BANK1: variants seen among roughly 807,000 people sequenced by gnomAD.
The protein encoded by BANK1 is B cell scaffold protein with ankyrin repeats 1, also known as B-cell scaffold protein with ankyrin repeats.
BANK1 carries 95 observed loss-of-function variants against 94.5 expected under a neutral mutation model. That is an observed-to-expected ratio of 1.00 (90% CI 0.85 to 1.19). The LOEUF is 1.19. Among genes scored for constraint, BANK1 ranks in the 50% most tolerant of loss-of-function variants. BANK1 has a pLI of 0.00. For synonymous variants in BANK1, 334 were observed against 308.4 expected, an observed-to-expected ratio of 1.08 and a Z score of -0.87; for missense variants, 987 against 932.2, an observed-to-expected ratio of 1.06 and a Z score of -0.77.
Position 102,060,352 on chromosome 4 carries a change from G to A in BANK1, c.2111G>A (p.Trp704Ter). Residue 704 changes from tryptophan to a stop codon, truncating the protein, a stop_gained, in exon 12 of 17, where the codon TGG becomes TAG. Coordinates refer to ENST00000322953, the MANE Select transcript of BANK1 (RefSeq NM_017935.5). LOFTEE classifies it high-confidence loss of function. ...MDEALEKFKHWQMGKSGLEMI... is the reference protein window; with the variant it reads ...MDEALEKFKH ...GAAGCTCTGGAGAAATTTAAACACT[G>A]GCAGATGGGAAAAAGTGGCCTGGAA... 1 of 1,609,716 alleles carries A rather than the reference G, an allele frequency of 6.2e-7. No individual in the cohort carries two copies. The highest frequency in any genetic ancestry group is 1.1e-5 in the South Asian group (1 of 90,122).
chr4:101,944,533 T>A (rs1379578190), intron 7 of BANK1, among the ~76,000 whole-genome samples: 2 of 151,868 alleles, frequency 1.3e-5, no homozygotes, highest in Non-Finnish European at 2.9e-5. Flanking sequence ...TTCCATAGCA[T>A]CCTATTCTCT....
chr4:102,005,591 A>C (rs191722843), intron 7 of BANK1, among the ~76,000 whole-genome samples: 1 of 152,246 alleles, frequency 6.6e-6, no homozygotes, highest in Non-Finnish European at 1.5e-5. Flanking sequence ...TCATTCATGG[A>C]AAATAGACAT....
chr4:102,002,150 A>G (rs1553939973), intron 7 of BANK1, among the ~76,000 whole-genome samples: 10 of 152,158 alleles, frequency 6.6e-5, no homozygotes, highest in Non-Finnish European at 8.8e-5. Context: ...TGCTCCTCCT[A>G]TATGTACCAT....
At chr4:101,944,037 T>TGA (rs1343414585) in intron 7 of BANK1, among the ~76,000 whole-genome samples, 1,570 of 148,110 alleles carry the variant, frequency 0.011, 15 homozygotes, top group African/African-American at 0.029. Flanking sequence ...TGTGTGTGTG[T>TGA]GTGAGAGAGA....
intron 5 of BANK1, among the ~76,000 whole-genome samples, chr4:101,881,276 A>G (rs1207843278): frequency 6.6e-6 from 1 of 152,122 alleles, no homozygotes; most frequent in Non-Finnish European, 1.5e-5. Flanking sequence ...AAAAATCTAA[A>G]TAGACATTTC....
rs573704085 is a variant in BANK1, at chr4:101,866,928, C to T, written c.764-3577C>T. ...ACTATCGCAAGAACAAAAAACCAAA[C>T]GCCGCATATTCTCACTCATAGGTGG... On this transcript the variant is annotated intron_variant, in intron 4 of 16. Transcript: ENST00000322953. Among the ~76,000 whole-genome samples the T allele has an allele frequency of 2.1e-3, 135 of 65,748 alleles. 23 individuals are homozygous for T. Among genetic ancestry groups the T allele is most frequent in the African/African-American group, 0.012 (122 of 10,416 alleles). The allele number at this position is 65,748 out of a possible 152,430, so 43.1% of individuals were successfully genotyped here.
chr4:102,052,045 A>G (rs1323349621), intron 11 of BANK1, among the ~76,000 whole-genome samples: 1 of 152,136 alleles, frequency 6.6e-6, no homozygotes, highest in African/African-American at 2.4e-5. Context: ...ACACAAGGAA[A>G]GAGCCAAAGG....
intron 5 of BANK1, among the ~76,000 whole-genome samples, chr4:101,881,774 A>G (rs1728684292): frequency 6.6e-6 from 1 of 152,164 alleles, no homozygotes; most frequent in Non-Finnish European, 1.5e-5. Context: ...AACAACATGG[A>G]TAGAACTGGA....
chr4:101,819,396 T>C (rs1174091929), intron 1 of BANK1, among the ~76,000 whole-genome samples: 2 of 152,138 alleles, frequency 1.3e-5, no homozygotes, highest in African/African-American at 4.8e-5. Context: ...TAGGGTGCAG[T>C]CTATGAATTT....
At position 101,790,899 on chromosome 4, in the gene BANK1, G is replaced by T; in HGVS notation, c.19G>T (p.Gly7Cys). 1 of 1,540,194 alleles carries T rather than the reference G, an allele frequency of 6.5e-7. No homozygotes were observed. The change falls in exon 1 of 17, where the codon GGC becomes TGC. Residue 7 changes from glycine (G) to cysteine (C), a missense_variant. By Grantham distance (159) the Gly-to-Cys change is radical. Transcript: ENST00000322953. ...CGCCACAATGCTGCCAGCAGCGCCA[G>T]GCAAGGGGCTTGGGAGCCCGGACCC... The part of the protein sequence containing the change: MLPAAP[G>C]KGLGSPDPAP...
intron 2 of BANK1, among the ~76,000 whole-genome samples, chr4:101,830,521 C>A (rs1024675561): frequency 2.0e-5 from 3 of 152,046 alleles, no homozygotes; most frequent in Admixed American, 1.3e-4. Context: ...GTTCTGGAAG[C>A]TGGTTTCTTA....
At chr4:101,810,104 T>C (rs1478339398) in intron 1 of BANK1, among the ~76,000 whole-genome samples, 6 of 152,104 alleles carry the variant, frequency 3.9e-5, no homozygotes, top group African/African-American at 1.4e-4. Flanking sequence ...TGGCCCAGTA[T>C]CACTGGCTTG....
chr4:102,056,188 A>G (rs1728222735), intron 11 of BANK1, among the ~76,000 whole-genome samples: 1 of 152,214 alleles, frequency 6.6e-6, no homozygotes, highest in African/African-American at 2.4e-5. Context: ...GAGACTGTAC[A>G]TGACAACACA....
At chr4:102,006,852 TA>T (rs1726276867) in intron 7 of BANK1, among the ~76,000 whole-genome samples, 1 of 150,682 alleles carries the variant, frequency 6.6e-6, no homozygotes, top group Non-Finnish European at 1.5e-5. Flanking sequence ...AAGTATAACA[TA>T]GGGGTAACTG....
Position 101,931,149 on chromosome 4 carries a change from A to G in BANK1, c.1206+12960A>G, listed in dbSNP as rs1247526442. ...TGCCACAGTTTTATTGACTCTCAAG[A>G]GTATTGTGATAGTTAATTTTAGGTA... On this transcript the variant is annotated intron_variant, in intron 7 of 16. Transcript: ENST00000322953. 2.6e-5 allele frequency among the ~76,000 whole-genome samples: 4 copies of G among 151,480 alleles called. No individual in the cohort carries two copies. In the East Asian group the frequency reaches 7.8e-4, roughly 30 times the overall value.
intron 6 of BANK1, among the ~76,000 whole-genome samples, chr4:101,910,044 CT>C (rs1388383527): frequency 2.0e-5 from 3 of 151,932 alleles, no homozygotes; most frequent in Non-Finnish European, 2.9e-5. Context: ...TGTCTATCCA[CT>C]TTTTTTTAGT....
At chr4:101,856,353 CA>C (rs1170405199) in intron 3 of BANK1, among the ~76,000 whole-genome samples, 1 of 149,666 alleles carries the variant, frequency 6.7e-6, no homozygotes, top group East Asian at 1.9e-4. Flanking sequence ...CACAGATGAT[CA>C]GGCAAAGAAA....
intron 2 of BANK1, among the ~76,000 whole-genome samples, chr4:101,835,856 T>C (rs1322831618): frequency 1.3e-5 from 2 of 152,190 alleles, no homozygotes; most frequent in Admixed American, 1.3e-4. Flanking sequence ...TACTGTATAC[T>C]AGGGTAATTG....
intron 1 of BANK1, among the ~76,000 whole-genome samples, chr4:101,810,691 A>G (rs1725708771): frequency 6.6e-6 from 1 of 152,228 alleles, no homozygotes; most frequent in Non-Finnish European, 1.5e-5. Flanking sequence ...CATCAATAAT[A>G]CTGTTGGCTA....
Sources: gnomAD v4.1 joint callset for allele counts (sites outside exome capture counted in the v4.1 genomes callset) on GRCh38, gnomAD v4.1.1 for gene constraint, MANE v1.5 for transcripts, NCBI Gene and HGNC (gene_info 2026-07-23, HGNC 2026-07-21) for gene names.